Variants in RANBP17 observed in about 807,000 individuals in gnomAD.
RANBP17 encodes ran-binding protein 17.
RANBP17 carries 158 observed loss-of-function variants against 141.2 expected under a neutral mutation model. The ratio of observed to expected loss-of-function variants is 1.12; its 90% CI spans 0.98 to 1.28. The LOEUF is 1.28. RANBP17 is among the 50% of genes most tolerant of loss of function. The pLI, the probability that RANBP17 is intolerant of heterozygous loss-of-function variation, is 0.00. For missense variants in RANBP17, 1,438 were observed against 1,290.7 expected, an observed-to-expected ratio of 1.11 and a Z score of -1.75; for synonymous variants, 430 against 450.0, an observed-to-expected ratio of 0.96 and a Z score of 0.56.
At chr5:171,196,501 G>T (rs948284406) in intron 18 of RANBP17, among the ~76,000 whole-genome samples, 9 of 152,130 alleles carry the variant, frequency 5.9e-5, no homozygotes, top group African/African-American at 1.9e-4. Context: ...GTTCCCAAAG[G>T]AAGGGCACTG....
intron 14 of RANBP17, among the ~76,000 whole-genome samples, chr5:171,101,335 C>G (rs776063103): frequency 2.0e-5 from 3 of 152,044 alleles, no homozygotes; most frequent in Non-Finnish European, 2.9e-5. Flanking sequence ...TGCATTGATG[C>G]CTTTATTATT....
intron 14 of RANBP17, among the ~76,000 whole-genome samples, chr5:171,139,867 C>T (rs1357332299): frequency 6.6e-6 from 1 of 152,132 alleles, no homozygotes; most frequent in East Asian, 1.9e-4. Context: ...TAGGATAAAA[C>T]CCAACTTTAC....
At chr5:170,875,310 G>A (rs1450056325) in intron 1 of RANBP17, among the ~76,000 whole-genome samples, 2 of 151,860 alleles carry the variant, frequency 1.3e-5, no homozygotes, top group Admixed American at 1.3e-4. Flanking sequence ...TGTGTCTTGG[G>A]GTTGATCGTC....
At chr5:170,873,328 C>T (rs1743848126) in intron 1 of RANBP17, among the ~76,000 whole-genome samples, 1 of 152,140 alleles carries the variant, frequency 6.6e-6, no homozygotes, top group Non-Finnish European at 1.5e-5. Flanking sequence ...TGTGTCTTTG[C>T]CAACTTTTGG....
intron 14 of RANBP17, among the ~76,000 whole-genome samples, chr5:171,056,260 A>G (rs1436987725): frequency 6.6e-6 from 1 of 152,144 alleles, no homozygotes; most frequent in African/African-American, 2.4e-5. Context: ...TTCTAATGCC[A>G]CAGTCTCCAA....
At chr5:170,928,239 A>T (rs560642789) in intron 12 of RANBP17, among the ~76,000 whole-genome samples, 5 of 152,182 alleles carry the variant, frequency 3.3e-5, no homozygotes, top group South Asian at 2.1e-4. Context: ...AGTGCTTTAT[A>T]TGCTCTGTAT....
At position 171,157,748 on chromosome 5, in the gene RANBP17, C is replaced by G. The variant is rs543053215; in HGVS notation, c.1711-12382C>G. ...GATGACTGTGAACAGTAACTGCATC[C>G]ATTAGCCATAAGTTTTGTTTCTTTA... On this transcript the variant is annotated intron_variant, in intron 14 of 27. Transcript: ENST00000523189. Among the ~76,000 whole-genome samples the G allele has an allele frequency of 7.9e-5, 12 of 152,310 alleles. 1 individual carries two copies. Among genetic ancestry groups the G allele is most frequent in the African/African-American group, 2.9e-4 (12 of 41,572 alleles).
intron 21 of RANBP17, among the ~76,000 whole-genome samples, chr5:171,217,650 G>A (rs1763296645): frequency 6.6e-6 from 1 of 152,136 alleles, no homozygotes; most frequent in Non-Finnish European, 1.5e-5. Flanking sequence ...TATGTATCCA[G>A]GAGTTTATCC....
chr5:171,199,708 C>T lies in RANBP17; in HGVS notation c.2077C>T (p.Leu693Phe). 6.2e-7 allele frequency: 1 copy of T among 1,611,320 alleles called. No individual in the cohort carries two copies. The highest frequency in any genetic ancestry group is 8.5e-7 in the Non-Finnish European group (1 of 1,178,406). ...EDEFENFMLP[L>F]TVAFETVLQI... ...TGAATTTGAGAATTTCATGCTGCCT[C>T]TTACAGTTGCTTTTGAAACAGTATT... The change falls in exon 19 of 28, where the codon CTT becomes TTT. Residue 693 changes from leucine to phenylalanine, a missense_variant. Transcript: ENST00000523189.
At chr5:171,294,913 A>T (rs1315474471) in intron 26 of RANBP17, among the ~76,000 whole-genome samples, 1 of 152,236 alleles carries the variant, frequency 6.6e-6, no homozygotes, top group Non-Finnish European at 1.5e-5. Context: ...TGAAAAACTA[A>T]TAATTTTCTA....
At chr5:171,228,076 G>A (rs1763985829) in intron 22 of RANBP17, among the ~76,000 whole-genome samples, 1 of 152,186 alleles carries the variant, frequency 6.6e-6, no homozygotes. Flanking sequence ...CATGGATCAA[G>A]GAGTAATTTT....
At chr5:171,040,791 G>A (rs1382671833) in intron 14 of RANBP17, among the ~76,000 whole-genome samples, 1 of 152,114 alleles carries the variant, frequency 6.6e-6, no homozygotes, top group East Asian at 1.9e-4. Context: ...TAGTGAAGAA[G>A]GAATTCTTCC....
At position 171,213,670 on chromosome 5, in the gene RANBP17, A is replaced by G; in HGVS notation, c.2271A>G (p.Glu757=). The G allele has an allele frequency of 6.2e-7, 1 of 1,613,836 alleles. No individual in the cohort carries two copies. The highest frequency in any genetic ancestry group is 8.5e-7 in the Non-Finnish European group (1 of 1,179,786). ...TTCCCCTTCTTCAGAATGCTGTTGA[A>G]CGGTGGTATGGAGAGCCAACATGTA... ...TYLPLLQNAV[E]RWYGEPTCTT... The change falls in exon 21 of 28, where the codon GAA becomes GAG. Residue 757 remains glutamate (E), a synonymous_variant. Coordinates refer to ENST00000523189, the MANE Select transcript of RANBP17 (RefSeq NM_022897.5).
chr5:170,941,369 A>G (rs954557413), intron 12 of RANBP17, among the ~76,000 whole-genome samples: 6 of 152,178 alleles, frequency 3.9e-5, no homozygotes, highest in Middle Eastern at 3.2e-3. Context: ...ATTCACAAAT[A>G]TATACTATTA....
intron 18 of RANBP17, among the ~76,000 whole-genome samples, chr5:171,198,768 G>A (rs1039167268): frequency 1.3e-5 from 2 of 152,104 alleles, no homozygotes; most frequent in African/African-American, 4.8e-5. Context: ...TAGAAATTAG[G>A]AGGTCTGAAC....
chr5:171,248,796 G>C (rs1765381098), intron 24 of RANBP17, among the ~76,000 whole-genome samples: 1 of 152,062 alleles, frequency 6.6e-6, no homozygotes, highest in South Asian at 2.1e-4. Context: ...TCCACCCAGA[G>C]AGCTGCACTC....
At chr5:171,039,550 G>A (rs1056048146) in intron 14 of RANBP17, among the ~76,000 whole-genome samples, 1 of 151,432 alleles carries the variant, frequency 6.6e-6, no homozygotes, top group South Asian at 2.1e-4. Flanking sequence ...GTTTGTTGAT[G>A]GTTACTTTTG....
chr5:171,060,614 C>G (rs1002668865), intron 14 of RANBP17, among the ~76,000 whole-genome samples: 2 of 152,056 alleles, frequency 1.3e-5, no homozygotes, highest in African/African-American at 4.8e-5. Context: ...GGATATTGGT[C>G]TAAAATTCTC....
At position 170,916,635 on chromosome 5, in the gene RANBP17, C is replaced by G. The variant is rs761039660; in HGVS notation, c.954+51C>G. The G allele has an allele frequency of 8.1e-6, 10 of 1,233,666 alleles. No individual in the cohort carries two copies. In the African/African-American group the frequency reaches 1.5e-4, roughly 19 times the overall value. 76.4% of individuals were successfully genotyped at this position (1,233,666 alleles called of 1,614,324 possible). On this transcript the variant is annotated intron_variant, in intron 9 of 27. Transcript: ENST00000523189. ...AGCATATAGAGATACAGTTTTTCAG[C>G]TAAAGGCACATAATAAACTCATCAT...
Sources: gnomAD v4.1 joint callset for allele counts (sites outside exome capture counted in the v4.1 genomes callset) on GRCh38, gnomAD v4.1.1 for gene constraint, MANE v1.5 for transcripts, NCBI Gene and HGNC (gene_info 2026-07-23, HGNC 2026-07-21) for gene names.